Variants in OR5P3 observed in about 807,000 individuals in gnomAD.
The protein encoded by OR5P3 is olfactory receptor family 5 subfamily P member 3.
For missense variants in OR5P3, 415 were observed against 375.6 expected (o/e 1.10, Z -0.87); for synonymous variants, 172 against 141.8 (o/e 1.21, Z -1.51).
intron 1 of OR5P3, among the ~76,000 whole-genome samples, chr11:7,829,139 C>CT (rs1286722393): frequency 6.6e-6 from 1 of 151,914 alleles, no homozygotes; most frequent in East Asian, 1.9e-4. Context: ...AAAAAGCAAC[C>CT]TTTTTGGGTA....
In OR5P3 at chr11:7,825,214, C is replaced by G; in HGVS notation, c.759G>C (p.Gly253=). Residue 253 remains glycine, a synonymous_variant, in exon 2 of 2, where the codon GGG becomes GGC. Transcript: ENST00000641167. ...SHLTAVTLFY[G]TITFIYVMPK... is the part of the protein sequence containing the mutation. ...GCATCACATAAATGAAGGTAATGGT[C>G]CCATAGAACAGAGTGACTGCAGTGA... is the stretch of plus-strand genomic sequence containing the variant. 6.2e-7 allele frequency: 1 copy of G among 1,612,644 alleles called. No individual in the cohort carries two copies. Among genetic ancestry groups the G allele is most frequent in the Non-Finnish European group, 8.5e-7 (1 of 1,179,996 alleles).
Position 7,825,705 on chromosome 11 carries a change from T to G in OR5P3, c.268A>C (p.Thr90Pro). ...ACACAACCAGCAACAGGGAGAGAGG[T>G]TTCTTTCCTTAGGAAGCTCATGAGC... ...VMLMSFLRKE[T>P]SLPVAGCVAQ... The change falls in exon 2 of 2, where the codon ACC becomes CCC. Residue 90 changes from threonine to proline, a missense_variant. Coordinates refer to ENST00000641167, the MANE Select transcript of OR5P3 (RefSeq NM_153445.2). 1 of 1,612,724 alleles carries G rather than the reference T, an allele frequency of 6.2e-7. No individual in the cohort carries two copies. The highest frequency in any genetic ancestry group is 2.2e-5 in the East Asian group (1 of 44,868).
intron 1 of OR5P3, among the ~76,000 whole-genome samples, chr11:7,826,265 C>T (rs1358471300): frequency 6.6e-6 from 1 of 151,722 alleles, no homozygotes; most frequent in Non-Finnish European, 1.5e-5. Context: ...TCTCTGAGCA[C>T]ATTTCAGAGA....
At position 7,829,868 on chromosome 11, in the gene OR5P3, T is replaced by A. The variant is rs563368896; in HGVS notation, c.-22+956A>T. On this transcript the variant is annotated intron_variant, in intron 1 of 1. Coordinates refer to ENST00000641167, the MANE Select transcript of OR5P3 (RefSeq NM_153445.2). ...ACAGAGGGAGCCAAAAGAGGTGCTA[T>A]AGCTGATAAGATAAAAGAGGGAATT... is the stretch of plus-strand genomic sequence containing the variant. Among the ~76,000 whole-genome samples, 393 of 152,280 alleles carry A rather than the reference T, an allele frequency of 2.6e-3. 4 individuals carry two copies. Among genetic ancestry groups the A allele is most frequent in the South Asian group, 2.7e-3 (13 of 4,822 alleles).
chr11:7,827,024 C>A (rs2133494206), intron 1 of OR5P3, among the ~76,000 whole-genome samples: 1 of 152,312 alleles, frequency 6.6e-6, no homozygotes, highest in Non-Finnish European at 1.5e-5. Flanking sequence ...GATTCTCTCA[C>A]TTTATAAAAT....
At chr11:7,830,326 T>C (rs941252819) in intron 1 of OR5P3, among the ~76,000 whole-genome samples, 9 of 152,234 alleles carry the variant, frequency 5.9e-5, no homozygotes, top group African/African-American at 2.2e-4. Context: ...TATCATGCTA[T>C]GTTAAGAACA....
intron 1 of OR5P3, among the ~76,000 whole-genome samples, chr11:7,826,761 G>A (rs1228654484): frequency 6.6e-6 from 1 of 152,164 alleles, no homozygotes; most frequent in African/African-American, 2.4e-5. Flanking sequence ...CTCCTGGAAG[G>A]CTCCAAAGAT....
At position 7,825,041 on chromosome 11, in the gene OR5P3, G is replaced by A. The variant is rs1857713908; in HGVS notation, c.932C>T (p.Ser311Phe). Residue 311 changes from serine (S) to phenylalanine (F), a missense_variant, in exon 2 of 2, where the codon TCT becomes TTT. By Grantham distance (155) the Ser-to-Phe change is radical. Coordinates refer to ENST00000641167, the MANE Select transcript of OR5P3 (RefSeq NM_153445.2). Reference sequence around the variant, plus strand: ...TCTTCAAACTAACTAGTTTCATCAAGAAAATATTTTTATTCTAAGCTCTCT... The same window carrying A: ...TCTTCAAACTAACTAGTTTCATCAAAAAAATATTTTTATTCTAAGCTCTCT... ...LKRELRIKIF[S>F] is the part of the protein sequence containing the mutation. 6.2e-7 allele frequency: 1 copy of A among 1,611,238 alleles called. No individual in the cohort carries two copies. The highest frequency in any genetic ancestry group is 1.3e-5 in the African/African-American group (1 of 74,532).
At chr11:7,826,198 CT>C (rs34333595) in intron 1 of OR5P3, among the ~76,000 whole-genome samples, 80,081 of 148,320 alleles carry the variant, frequency 0.54, 22,800 homozygotes, top group Non-Finnish European at 0.64. Context: ...TCAGAAAAAT[CT>C]TTTTTTTTTT....
At chr11:7,827,353 G>A (rs1056392609) in intron 1 of OR5P3, among the ~76,000 whole-genome samples, 1 of 152,146 alleles carries the variant, frequency 6.6e-6, no homozygotes, top group African/African-American at 2.4e-5. Context: ...GAGAGATAAC[G>A]ACAATTCTTT....
In OR5P3 at chr11:7,828,909, T is replaced by C. The variant is rs1019435120; in HGVS notation, c.-22+1915A>G. ...AAAAATTGGCTAGAAATAGAGAACATCTTACTAGGACAGGGAAGAATGAAG... is the reference window on the plus strand; with the variant it reads ...AAAAATTGGCTAGAAATAGAGAACACCTTACTAGGACAGGGAAGAATGAAG... On this transcript the variant is annotated intron_variant, in intron 1 of 1. Coordinates refer to ENST00000641167, the MANE Select transcript of OR5P3 (RefSeq NM_153445.2). 2.6e-5 allele frequency among the ~76,000 whole-genome samples: 4 copies of C among 152,066 alleles called. No individual in the cohort carries two copies. In the East Asian group the frequency reaches 7.7e-4, roughly 29 times the overall value.
At chr11:7,828,485 C>T (rs1857771122) in intron 1 of OR5P3, among the ~76,000 whole-genome samples, 2 of 152,096 alleles carry the variant, frequency 1.3e-5, no homozygotes, top group Middle Eastern at 3.2e-3. Context: ...AATTTAATTG[C>T]TGAATAGCAG....
intron 1 of OR5P3, among the ~76,000 whole-genome samples, chr11:7,829,391 T>C (rs1437177022): frequency 2.2e-5 from 1 of 44,804 alleles, no homozygotes; most frequent in African/African-American, 3.4e-5. Context: ...TTTTATCTTA[T>C]TTTTTTTTTT....
chr11:7,829,068 A>G (rs561234957), intron 1 of OR5P3, among the ~76,000 whole-genome samples: 20 of 152,300 alleles, frequency 1.3e-4, no homozygotes, highest in Admixed American at 3.3e-4. Context: ...CATCATAAAT[A>G]TGAAAAAATA....
chr11:7,826,640 C>T (rs780854270), intron 1 of OR5P3, among the ~76,000 whole-genome samples: 1 of 152,148 alleles, frequency 6.6e-6, no homozygotes. Flanking sequence ...AACAAGTAAA[C>T]AGAGGAAGAC....
intron 1 of OR5P3, among the ~76,000 whole-genome samples, chr11:7,826,467 C>T (rs1857743231): frequency 6.6e-6 from 1 of 152,162 alleles, no homozygotes; most frequent in South Asian, 2.1e-4. Flanking sequence ...AAACAGAGGT[C>T]AAACAGATTA....
chr11:7,829,525 G>T (rs1181407365), intron 1 of OR5P3, among the ~76,000 whole-genome samples: 1 of 152,168 alleles, frequency 6.6e-6, no homozygotes, highest in Non-Finnish European at 1.5e-5. Flanking sequence ...ACAGCACTAT[G>T]AAAGAGATTC....
Position 7,825,801 on chromosome 11 carries a change from G to C in OR5P3, c.172C>G (p.Pro58Ala), listed in dbSNP as rs60467657. 143 of 1,613,210 alleles carry C rather than the reference G, an allele frequency of 8.9e-5. 3 individuals are homozygous for C. In the African/African-American group the frequency reaches 1.8e-3, roughly 20 times the overall value. Residue 58 changes from proline to alanine, a missense_variant, in exon 2 of 2, where the codon CCC (proline) becomes GCC (alanine). Transcript: ENST00000641167. ...LIRRSHHLHT[P>A]MYIFLCHLAF... ...AAATGGCAGAGGAAAATGTACATGG[G>C]TGTATGAAGATGATGACTTCTTCTG...
intron 1 of OR5P3, among the ~76,000 whole-genome samples, 192 bp from the exon 2 acceptor site, chr11:7,826,185 T>C (rs1280433207): frequency 7.1e-6 from 1 of 140,852 alleles, no homozygotes; most frequent in African/African-American, 2.5e-5. Context: ...AGGTCAGGAA[T>C]ACTCAGAAAA....
Sources: gnomAD v4.1 joint callset for allele counts (sites outside exome capture counted in the v4.1 genomes callset) on GRCh38, gnomAD v4.1.1 for gene constraint, MANE v1.5 for transcripts, NCBI Gene and HGNC (gene_info 2026-07-23, HGNC 2026-07-21) for gene names.